The following MAGI2 variants were observed in gnomAD, a reference collection of about 807,000 sequenced individuals.
MAGI2 encodes membrane-associated guanylate kinase, WW and PDZ domain-containing protein 2.
MAGI2 carries 35 observed loss-of-function variants against 133.3 expected under a neutral mutation model. The ratio of observed to expected loss-of-function variants is 0.26; its 90% CI spans 0.20 to 0.35. MAGI2 has a LOEUF of 0.35. MAGI2 is among the 10% of genes least tolerant of loss of function. The pLI is 1.00. For synonymous variants in MAGI2, 729 were observed against 710.6 expected (o/e 1.03, Z -0.41); for missense variants, 1,636 against 1,863.4 (o/e 0.88, Z 2.25).
intron 2 of MAGI2, among the ~76,000 whole-genome samples, chr7:78,766,897 A>T (rs1825082971): frequency 6.6e-6 from 1 of 152,206 alleles, no homozygotes; most frequent in Admixed American, 6.5e-5. Context: ...TGTATTTTAT[A>T]GGTCTTGACA....
chr7:79,304,739 C>T (rs1837654667), intron 1 of MAGI2, among the ~76,000 whole-genome samples: 1 of 152,210 alleles, frequency 6.6e-6, no homozygotes. Flanking sequence ...CTAATTCCCT[C>T]TCAGCTTCTC....
chr7:79,037,911 G>A (rs1297748069), intron 1 of MAGI2, among the ~76,000 whole-genome samples: 2 of 152,070 alleles, frequency 1.3e-5, no homozygotes, highest in East Asian at 3.9e-4. Context: ...CATTTAACAT[G>A]TTCCTCTGTC....
intron 2 of MAGI2, among the ~76,000 whole-genome samples, chr7:79,004,463 T>G (rs1807229462): frequency 6.6e-6 from 1 of 152,058 alleles, no homozygotes; most frequent in Non-Finnish European, 1.5e-5. Flanking sequence ...AGTGAGGAAT[T>G]GGGAATGAAG....
chr7:78,624,781 GA>G (rs1329047051), intron 3 of MAGI2, among the ~76,000 whole-genome samples: 9 of 151,670 alleles, frequency 5.9e-5, no homozygotes, highest in African/African-American at 1.2e-4. Context: ...AGTCGAAGAA[GA>G]AAAAAAAGTA....
At position 78,343,816 on chromosome 7, in the gene MAGI2, G is replaced by A. The variant is rs765539841; in HGVS notation, c.1370C>T (p.Pro457Leu). The change falls in exon 9 of 22, where the codon CCG becomes CTG. Residue 457 changes from proline to leucine, a missense_variant. By Grantham distance (98) the Pro-to-Leu change is moderately conservative (BLOSUM62 -3). Coordinates refer to ENST00000354212, the MANE Select transcript of MAGI2 (RefSeq NM_012301.4). ...DEFLQVKSVI[P>L]DGPAAQDGKM... ...TCCATCCTGTGCTGCAGGCCCATCCGGAATCACACTTTTCACCTGCAGAAA... is the reference window on the plus strand; with the variant it reads ...TCCATCCTGTGCTGCAGGCCCATCCAGAATCACACTTTTCACCTGCAGAAA... 1.9e-5 allele frequency: 30 copies of A among 1,607,924 alleles called. No homozygotes were observed. In the Admixed American group the frequency reaches 3.6e-4, roughly 19 times the overall value.
chr7:79,028,226 T>C (rs1449600590), intron 1 of MAGI2, among the ~76,000 whole-genome samples: 2 of 43,996 alleles, frequency 4.5e-5, no homozygotes, highest in African/African-American at 1.7e-4. Context: ...AATATATATA[T>C]ATATGTATGT....
chr7:78,312,842 A>G lies in MAGI2; in HGVS notation c.1408+30936T>C, dbSNP rs199870123. On this transcript the variant is annotated intron_variant, in intron 9 of 21. Coordinates refer to ENST00000354212, the MANE Select transcript of MAGI2 (RefSeq NM_012301.4). ...CAAAAAGATACCTGCATACATATAT[A>G]TTGTATATATATACACATATACAAT... Among the ~76,000 whole-genome samples the G allele has an allele frequency of 2.8e-4, 42 of 151,848 alleles. 1 individual carries two copies. The East Asian group carries it at 7.3e-3, about 27-fold the overall frequency.
At chr7:79,375,414 C>A (rs1222201324) in intron 1 of MAGI2, among the ~76,000 whole-genome samples, 2 of 151,938 alleles carry the variant, frequency 1.3e-5, no homozygotes, top group Non-Finnish European at 2.9e-5. Flanking sequence ...AAAAAACACT[C>A]TTCCTACTGT....
At chr7:78,956,858 T>C (rs970744263) in intron 2 of MAGI2, among the ~76,000 whole-genome samples, 6 of 152,174 alleles carry the variant, frequency 3.9e-5, no homozygotes, top group Non-Finnish European at 8.8e-5. Flanking sequence ...CAACATACTA[T>C]CAAATGTCAA....
intron 5 of MAGI2, among the ~76,000 whole-genome samples, chr7:78,496,451 G>A (rs1794094083): frequency 1.3e-5 from 2 of 152,154 alleles, no homozygotes; most frequent in African/African-American, 4.8e-5. Flanking sequence ...GTAATTTAAT[G>A]GGATTCCCAA....
chr7:78,289,108 T>C (rs112092777), intron 9 of MAGI2, among the ~76,000 whole-genome samples: 1 of 152,168 alleles, frequency 6.6e-6, no homozygotes, highest in Non-Finnish European at 1.5e-5. Context: ...AGAATGACTT[T>C]GATGAGTTGG....
intron 3 of MAGI2, among the ~76,000 whole-genome samples, chr7:78,573,011 T>C (rs1801673508): frequency 1.9e-5 from 2 of 105,110 alleles, no homozygotes; most frequent in Middle Eastern, 5.8e-3. Flanking sequence ...ACAGAACTAA[T>C]AGGATATATA....
chr7:78,430,240 CTTTT>C (rs545809101), intron 6 of MAGI2, among the ~76,000 whole-genome samples: 930 of 76,610 alleles, frequency 0.012, 8 homozygotes, highest in East Asian at 0.056. Context: ...CTGGAAAAGC[CTTTT>C]TTTTTTTTTT....
chr7:78,399,352 C>T (rs1190827150), intron 6 of MAGI2, among the ~76,000 whole-genome samples: 1 of 152,230 alleles, frequency 6.6e-6, no homozygotes, highest in Non-Finnish European at 1.5e-5. Flanking sequence ...AAACATTTCT[C>T]TGCCAAGTGT....
intron 2 of MAGI2, among the ~76,000 whole-genome samples, chr7:78,632,542 T>A (rs1809131895): frequency 6.6e-6 from 1 of 152,176 alleles, no homozygotes. Context: ...AATCACTACA[T>A]CCTTAAAGAG....
At chr7:78,869,961 T>C (rs755534410) in intron 2 of MAGI2, among the ~76,000 whole-genome samples, 1 of 152,188 alleles carries the variant, frequency 6.6e-6, no homozygotes, top group Non-Finnish European at 1.5e-5. Context: ...GTGCCTGTTT[T>C]TCTACCAGTA....
intron 9 of MAGI2, among the ~76,000 whole-genome samples, chr7:78,314,830 CT>C (rs1787235499): frequency 6.6e-6 from 1 of 152,192 alleles, no homozygotes; most frequent in African/African-American, 2.4e-5. Flanking sequence ...CTGACCATAC[CT>C]TTGTTGGCAC....
Position 78,231,233 on chromosome 7 carries a change from G to A in MAGI2, c.2047+24710C>T, listed in dbSNP as rs149977349. On this transcript the variant is annotated intron_variant, in intron 10 of 21. Coordinates refer to ENST00000354212, the MANE Select transcript of MAGI2 (RefSeq NM_012301.4). ...AGTGAGAAGGCTCAGCAAAGCTTGC[G>A]TGCAGCAGAAAGAAAAGATCTGAGG... is the stretch of plus-strand genomic sequence containing the variant. Among the ~76,000 whole-genome samples, 14 of 152,338 alleles carry A rather than the reference G, an allele frequency of 9.2e-5. No individual in the cohort carries two copies. In the East Asian group the frequency reaches 2.3e-3, roughly 25 times the overall value.
rs1799319603 is a variant in MAGI2, at chr7:78,551,369, A to C, written c.539-29724T>G. On this transcript the variant is annotated intron_variant, in intron 3 of 21. Coordinates refer to ENST00000354212, the MANE Select transcript of MAGI2 (RefSeq NM_012301.4). ...TTGCTTTGTTTTGATTTTTGCACTC[A>C]CATTATAGAAACTTACAGGCCTTGA... Among the ~76,000 whole-genome samples, 3 of 152,298 alleles carry C rather than the reference A, an allele frequency of 2.0e-5. No homozygotes were observed. In the Middle Eastern group the frequency reaches 0.01, roughly 518 times the overall value.
Sources: gnomAD v4.1 joint callset for allele counts (sites outside exome capture counted in the v4.1 genomes callset) on GRCh38, gnomAD v4.1.1 for gene constraint, MANE v1.5 for transcripts, NCBI Gene and HGNC (gene_info 2026-07-23, HGNC 2026-07-21) for gene names.